STK32B: variants seen among roughly 807,000 people sequenced by gnomAD.
The protein encoded by STK32B is serine/threonine-protein kinase 32B.
In STK32B, 43 loss-of-function variants were observed where a neutral mutation model predicts 52.6. The ratio of observed to expected loss-of-function variants is 0.82; its 90% CI spans 0.64 to 1.05. The LOEUF is 1.05. STK32B is among the 50% of genes least tolerant of loss of function. The pLI is 0.00. For missense variants in STK32B, 621 were observed against 534.6 expected (o/e 1.16, Z -1.59); for synonymous variants, 238 against 204.3 (o/e 1.17, Z -1.41).
intron 6 of STK32B, among the ~76,000 whole-genome samples, chr4:5,425,184 C>T (rs1712988698): frequency 6.6e-6 from 1 of 152,226 alleles, no homozygotes; most frequent in Non-Finnish European, 1.5e-5. Flanking sequence ...GTAGCACAAG[C>T]TGAGTGCAGC....
the STK32B span, among the ~76,000 whole-genome samples, chr4:5,043,692 C>G: frequency 6.7e-4 from 102 of 152,346 alleles, no homozygotes; most frequent in African/African-American, 2.3e-3. Flanking sequence ...TCCAGCAGGG[C>G]TTCAGGTGGG....
chr4:5,238,737 T>TTTCA (rs1724802152), intron 3 of STK32B, among the ~76,000 whole-genome samples: 1 of 152,038 alleles, frequency 6.6e-6, no homozygotes, highest in Non-Finnish European at 1.5e-5. Flanking sequence ...GTAATAAATT[T>TTTCA]TTCATTCATT....
chr4:5,197,826 G>A lies in STK32B; in HGVS notation c.260+29376G>A, dbSNP rs1294950995. On this transcript the variant is annotated intron_variant, in intron 3 of 11. Coordinates refer to ENST00000282908, the MANE Select transcript of STK32B (RefSeq NM_018401.3). Reference sequence around the variant, plus strand: ...TGAAAAATTATAAAAATGCTCAGATGTTTAGGTTCCTTGCTCTTCAATTAT... The same window carrying A: ...TGAAAAATTATAAAAATGCTCAGATATTTAGGTTCCTTGCTCTTCAATTAT... Among the ~76,000 whole-genome samples, 5 of 152,146 alleles carry A rather than the reference G, an allele frequency of 3.3e-5. No homozygotes were observed. In the East Asian group the frequency reaches 9.6e-4, roughly 29 times the overall value.
At chr4:5,483,381 G>A (rs973125818) in intron 11 of STK32B, among the ~76,000 whole-genome samples, 7 of 152,072 alleles carry the variant, frequency 4.6e-5, no homozygotes, top group Admixed American at 3.9e-4. Flanking sequence ...GCGTAGAGGT[G>A]TTTATAGTGT....
At chr4:5,218,711 TA>T (rs1723334801) in intron 3 of STK32B, among the ~76,000 whole-genome samples, 1 of 125,218 alleles carries the variant, frequency 8.0e-6, no homozygotes, top group Non-Finnish European at 1.9e-5. Context: ...GGAAAAGTTC[TA>T]AAAACTTAAA....
Position 5,074,209 on chromosome 4 carries a change from T to TGTGTGTGC in STK32B, c.52+22295_52+22296insTGTGTGCG, listed in dbSNP as rs397878571. 2.2e-3 allele frequency among the ~76,000 whole-genome samples: 318 copies of TGTGTGTGC among 144,292 alleles called. 1 individual carries two copies. The highest frequency in any genetic ancestry group is 4.0e-3 in the African/African-American group (158 of 39,574). 94.7% of individuals were successfully genotyped at this position (144,292 alleles called of 152,430 possible). The stretch of plus-strand genomic sequence containing the variant: ...ATATATGTGTGTGTGTGTGTGTGTG[T>TGTGTGTGC]GCGCGTGCGTGAAATATATTTCCTT... On this transcript the variant is annotated intron_variant, in intron 1 of 11. Coordinates refer to ENST00000282908, the MANE Select transcript of STK32B (RefSeq NM_018401.3).
chr4:5,456,814 A>G lies in STK32B; in HGVS notation c.674A>G (p.Tyr225Cys). The G allele has an allele frequency of 6.3e-7, 1 of 1,579,574 alleles. No individual in the cohort carries two copies. Among genetic ancestry groups the G allele is most frequent in the Non-Finnish European group, 8.6e-7 (1 of 1,159,076 alleles). The change falls in exon 8 of 12, where the codon TAC (tyrosine) becomes TGC (cysteine). Residue 225 changes from tyrosine (Y) to cysteine (C), a missense_variant. Coordinates refer to ENST00000282908, the MANE Select transcript of STK32B (RefSeq NM_018401.3). ...AYELLRGWRP[Y>C]EIHSVTPIDE... ...GTTGTTCTTTGATTGCAGAGGCCGT[A>G]CGAAATCCACTCGGTCACGCCCATC...
intron 3 of STK32B, among the ~76,000 whole-genome samples, chr4:5,288,119 G>A (rs757334382): frequency 5.9e-5 from 9 of 152,062 alleles, no homozygotes; most frequent in South Asian, 2.1e-4. Flanking sequence ...ATAATCTTCC[G>A]TTTTATGGAT....
chr4:5,039,952 A>G, the STK32B span, among the ~76,000 whole-genome samples: 6 of 152,188 alleles, frequency 3.9e-5, no homozygotes, highest in Admixed American at 3.9e-4. Flanking sequence ...CAGGTCAGGT[A>G]GGCCATTCTG....
intron 3 of STK32B, among the ~76,000 whole-genome samples, chr4:5,202,474 C>T (rs1722227710): frequency 6.6e-6 from 1 of 152,252 alleles, no homozygotes; most frequent in Admixed American, 6.5e-5. Context: ...GAAAGTGGCC[C>T]TTTCTCACAG....
intron 3 of STK32B, among the ~76,000 whole-genome samples, chr4:5,233,885 A>G (rs1447900358): frequency 1.3e-5 from 2 of 151,980 alleles, no homozygotes; most frequent in East Asian, 1.9e-4. Flanking sequence ...AAGGGTCTCT[A>G]TCAGGAAGGC....
At chr4:5,285,196 T>A (rs1433976830) in intron 3 of STK32B, among the ~76,000 whole-genome samples, 1 of 152,196 alleles carries the variant, frequency 6.6e-6, no homozygotes, top group African/African-American at 2.4e-5. Flanking sequence ...ATGTTCTTGG[T>A]AAGGCTACCG....
intron 1 of STK32B, among the ~76,000 whole-genome samples, chr4:5,055,282 A>G (rs553287753): frequency 9.2e-5 from 12 of 130,428 alleles, no homozygotes; most frequent in African/African-American, 8.6e-5. Context: ...TTTTTTTTTT[A>G]GAGTCAAGGT....
In STK32B at chr4:5,396,222, C is replaced by T. The variant is rs1048432111; in HGVS notation, c.435-1985C>T. 3.9e-5 allele frequency among the ~76,000 whole-genome samples: 6 copies of T among 152,166 alleles called. No individual in the cohort carries two copies. The highest frequency in any genetic ancestry group is 3.2e-3 in the Middle Eastern group (1 of 316). On this transcript the variant is annotated intron_variant, in intron 4 of 11. Coordinates refer to ENST00000282908, the MANE Select transcript of STK32B (RefSeq NM_018401.3). This position sits in a 1 kb window ranked among gnomAD's most constrained non-coding sequence, Gnocchi z 4.7. ...TCCTCTGGAGGTTCAGGAGAGAATC[C>T]GCCCCTGGCCTGTTCCAGCTCCAGG...
the STK32B span, among the ~76,000 whole-genome samples, chr4:5,032,888 G>T: frequency 6.6e-6 from 1 of 152,062 alleles, no homozygotes; most frequent in African/African-American, 2.4e-5. Flanking sequence ...AAACCAGACA[G>T]TTGAACTCTC....
At chr4:5,269,375 C>T (rs190097047) in intron 3 of STK32B, among the ~76,000 whole-genome samples, 1 of 152,216 alleles carries the variant, frequency 6.6e-6, no homozygotes, top group Admixed American at 6.5e-5. Context: ...CTGCAGTCCT[C>T]TCTAACAAAA....
intron 6 of STK32B, among the ~76,000 whole-genome samples, chr4:5,442,057 G>T (rs1390409978): frequency 3.7e-5 from 4 of 109,382 alleles, no homozygotes; most frequent in Admixed American, 1.1e-4. Context: ...GTGTGGTGTG[G>T]TGCTGAAAAA....
chr4:5,347,949 T>C (rs1348340096), intron 4 of STK32B, among the ~76,000 whole-genome samples: 3 of 152,190 alleles, frequency 2.0e-5, no homozygotes, highest in African/African-American at 7.2e-5. Context: ...AGTAGTTCTT[T>C]ATAGCAGCAT....
intron 4 of STK32B, chr4:5,345,302 T>C (rs1339897764): frequency 3.6e-5 from 5 of 138,988 alleles, no homozygotes; most frequent in Non-Finnish European, 7.8e-5. Context: ...TGAAAAGTTA[T>C]AATTCTCCTT....
Sources: gnomAD v4.1 joint callset for allele counts (sites outside exome capture counted in the v4.1 genomes callset) on GRCh38, gnomAD v4.1.1 for gene constraint, Gnocchi (gnomAD v3.1) non-coding constraint, MANE v1.5 for transcripts, NCBI Gene and HGNC (gene_info 2026-07-23, HGNC 2026-07-21) for gene names.